The following EIPR1 variants were observed in gnomAD, a reference collection of about 807,000 sequenced individuals.
EIPR1 encodes EARP complex and GARP complex interacting protein 1.
In EIPR1, 25 loss-of-function variants were observed where a neutral mutation model predicts 48.1. That is an observed-to-expected ratio of 0.52 (90% CI 0.38 to 0.73). EIPR1 has a LOEUF of 0.73. Among genes scored for constraint, EIPR1 ranks in the 30% least tolerant of loss-of-function variants. The pLI, the probability that EIPR1 is intolerant of heterozygous loss-of-function variation, is 0.00. For synonymous variants in EIPR1, 204 were observed against 201.9 expected, an observed-to-expected ratio of 1.01 and a Z score of -0.09; for missense variants, 415 against 506.2, an observed-to-expected ratio of 0.82 and a Z score of 1.73.
chr2:3,299,318 C>A (rs1668692976), intron 3 of EIPR1, among the ~76,000 whole-genome samples: 1 of 151,554 alleles, frequency 6.6e-6, no homozygotes, highest in Non-Finnish European at 1.5e-5. Flanking sequence ...CCTGGGTCAG[C>A]TCACTGTCCT....
chr2:3,206,946 G>A (rs1336060777), intron 5 of EIPR1, among the ~76,000 whole-genome samples: 1 of 152,190 alleles, frequency 6.6e-6, no homozygotes, highest in Admixed American at 6.5e-5. Context: ...TGTCTGAACT[G>A]TAATGATCAT....
chr2:3,259,615 T>C (rs1039241183), intron 3 of EIPR1, among the ~76,000 whole-genome samples: 2 of 150,738 alleles, frequency 1.3e-5, no homozygotes, highest in African/African-American at 2.4e-5. Context: ...CAAGAAAATA[T>C]AGATAAGAGA....
At position 3,208,814 on chromosome 2, in the gene EIPR1, T is replaced by C; in HGVS notation, c.516+5335A>G. On this transcript the variant is annotated intron_variant, in intron 5 of 8. Coordinates refer to ENST00000382125, the MANE Select transcript of EIPR1 (RefSeq NM_003310.5). ...TCGTGGCAGGTCCTCCTTCTGTGAG[T>C]GAGGCCCGTGGCAGGTGCAGGTGTC... is the stretch of plus-strand genomic sequence containing the variant. The C allele has an allele frequency of 3.2e-6, 5 of 1,550,024 alleles. No individual in the cohort carries two copies. In the East Asian group the frequency reaches 1.2e-4, roughly 38 times the overall value.
chr2:3,325,556 C>A (rs1017118822), intron 3 of EIPR1, among the ~76,000 whole-genome samples: 1 of 152,174 alleles, frequency 6.6e-6, no homozygotes, highest in Admixed American at 6.5e-5. Context: ...CTACTCCCAA[C>A]CCCCGAAAAC....
At chr2:3,346,149 G>A (rs762433931) in intron 2 of EIPR1, among the ~76,000 whole-genome samples, 6 of 152,224 alleles carry the variant, frequency 3.9e-5, no homozygotes, top group Non-Finnish European at 5.9e-5. Flanking sequence ...GCCACCACTC[G>A]GGAGCTGGCC....
chr2:3,322,125 TC>T (rs1360558391), intron 3 of EIPR1, among the ~76,000 whole-genome samples: 1 of 152,206 alleles, frequency 6.6e-6, no homozygotes, highest in East Asian at 1.9e-4. Flanking sequence ...AATCCGCTCT[TC>T]CCAGCGAGGT....
At chr2:3,273,770 T>C (rs1667766540) in intron 3 of EIPR1, among the ~76,000 whole-genome samples, 1 of 152,186 alleles carries the variant, frequency 6.6e-6, no homozygotes, top group South Asian at 2.1e-4. Flanking sequence ...GGCCAGCCCC[T>C]TGGAGGCCCC....
At chr2:3,239,274 T>C (rs950732514) in intron 4 of EIPR1, among the ~76,000 whole-genome samples, 2 of 152,154 alleles carry the variant, frequency 1.3e-5, no homozygotes, top group African/African-American at 4.8e-5. Context: ...AATTAAAATA[T>C]GTAGGAAAAG....
Position 3,272,839 on chromosome 2 carries a change from A to T in EIPR1, c.260-15384T>A, listed in dbSNP as rs545413930. ...GCCGCAAACCTTCAATTTGCAAAAG[A>T]TACAACATCTGAGAAGCACAATAAA... On this transcript the variant is annotated intron_variant, in intron 3 of 8. Coordinates refer to ENST00000382125, the MANE Select transcript of EIPR1 (RefSeq NM_003310.5). Among the ~76,000 whole-genome samples the T allele has an allele frequency of 2.0e-5, 3 of 152,378 alleles. No homozygotes were observed. The South Asian group carries it at 6.2e-4, about 32-fold the overall frequency.
intron 5 of EIPR1, among the ~76,000 whole-genome samples, chr2:3,201,726 T>C (rs559866687): frequency 6.6e-6 from 1 of 152,080 alleles, no homozygotes; most frequent in Non-Finnish European, 1.5e-5. Context: ...TAAAAGCCAG[T>C]TGGGGAGTAG....
At chr2:3,365,261 AC>A (rs559888696) in intron 1 of EIPR1, among the ~76,000 whole-genome samples, 1 of 151,510 alleles carries the variant, frequency 6.6e-6, no homozygotes. Context: ...ATATGATGAG[AC>A]CCCCCATCTC....
At chr2:3,280,501 G>A (rs540158919) in intron 3 of EIPR1, among the ~76,000 whole-genome samples, 2 of 152,280 alleles carry the variant, frequency 1.3e-5, no homozygotes, top group East Asian at 3.9e-4. Flanking sequence ...CCCCCAACTT[G>A]AATCTAACCT....
Position 3,344,634 on chromosome 2 carries a change from C to CTTT in EIPR1, c.127-6488_127-6486dup, listed in dbSNP as rs1178498027. Reference sequence around the variant, plus strand: ...ATAGAAACATATACTGGTTCTGGTTCTTTTTTTTTTTTTTTTTTTTTTTTT... The same window carrying CTTT: ...ATAGAAACATATACTGGTTCTGGTTCTTTTTTTTTTTTTTTTTTTTTTTTTTTT... On this transcript the variant is annotated intron_variant, in intron 2 of 8. Coordinates refer to ENST00000382125, the MANE Select transcript of EIPR1 (RefSeq NM_003310.5). 4.0e-4 allele frequency among the ~76,000 whole-genome samples: 30 copies of CTTT among 74,210 alleles called. 1 individual carries two copies. The highest frequency in any genetic ancestry group is 5.1e-4 in the Non-Finnish European group (20 of 39,360). The allele number at this position is 74,210 out of a possible 152,430, so 48.7% of individuals were successfully genotyped here.
At chr2:3,320,812 T>G (rs1012780756) in intron 3 of EIPR1, among the ~76,000 whole-genome samples, 1 of 152,232 alleles carries the variant, frequency 6.6e-6, no homozygotes, top group Non-Finnish European at 1.5e-5. Flanking sequence ...ACTTCAGACC[T>G]GTCTGGGCTT....
At chr2:3,258,474 A>G (rs571968568) in intron 3 of EIPR1, among the ~76,000 whole-genome samples, 3 of 150,104 alleles carry the variant, frequency 2.0e-5, no homozygotes, top group African/African-American at 7.4e-5. Flanking sequence ...AGTGAAGAAC[A>G]TAAAAATATT....
chr2:3,351,116 T>C (rs1298931749), intron 2 of EIPR1, among the ~76,000 whole-genome samples: 1 of 151,924 alleles, frequency 6.6e-6, no homozygotes, highest in Non-Finnish European at 1.5e-5. Flanking sequence ...TTCTCATGCC[T>C]CAGCCTTCCA....
intron 5 of EIPR1, among the ~76,000 whole-genome samples, chr2:3,211,264 T>C (rs1665444594): frequency 2.3e-5 from 3 of 129,244 alleles, no homozygotes; most frequent in South Asian, 2.8e-4. Flanking sequence ...AGTTCTCCAC[T>C]TTAACACTAA....
intron 4 of EIPR1, among the ~76,000 whole-genome samples, chr2:3,219,698 C>T (rs1046200017): frequency 2.0e-5 from 3 of 151,272 alleles, no homozygotes; most frequent in Admixed American, 1.3e-4. Flanking sequence ...CCAACACAAC[C>T]CTGGTATACT....
At chr2:3,352,372 C>A (rs1670603984) in intron 2 of EIPR1, among the ~76,000 whole-genome samples, 1 of 151,730 alleles carries the variant, frequency 6.6e-6, no homozygotes, top group African/African-American at 2.4e-5. Context: ...GCCATCCACA[C>A]TGTCTGTTCC....
Sources: gnomAD v4.1 joint callset for allele counts (sites outside exome capture counted in the v4.1 genomes callset) on GRCh38, gnomAD v4.1.1 for gene constraint, MANE v1.5 for transcripts, NCBI Gene and HGNC (gene_info 2026-07-23, HGNC 2026-07-21) for gene names.